Variants in NRG3 observed in about 807,000 individuals in gnomAD.
NRG3 encodes pro-neuregulin-3, membrane-bound isoform.
NRG3 carries 31 observed loss-of-function variants against 66.9 expected under a neutral mutation model. The observed-to-expected ratio is 0.46, with a 90% CI of 0.35 to 0.63. NRG3 has a LOEUF of 0.63. Among genes scored for constraint, NRG3 ranks in the 20% least tolerant of loss-of-function variants. NRG3 has a pLI of 0.00. For missense variants in NRG3, 910 were observed against 878.9 expected (o/e 1.04, Z -0.45); for synonymous variants, 393 against 359.4 (o/e 1.09, Z -1.06).
chr10:82,816,858 G>A (rs115677928), intron 3 of NRG3, among the ~76,000 whole-genome samples: 1,729 of 152,276 alleles, frequency 0.011, 30 homozygotes, highest in African/African-American at 0.039. Context: ...ACCCAGCTCT[G>A]GACATTAGAT....
At chr10:82,707,018 A>ATATATATATATAT (rs2056344007) in intron 2 of NRG3, among the ~76,000 whole-genome samples, 4 of 141,330 alleles carry the variant, frequency 2.8e-5, no homozygotes, top group African/African-American at 1.1e-4. Context: ...AAATAAAATA[A>ATATATATATATAT]ATATATATAT....
chr10:82,703,738 G>C (rs914244807), intron 2 of NRG3, among the ~76,000 whole-genome samples: 25 of 152,128 alleles, frequency 1.6e-4, no homozygotes, highest in African/African-American at 5.8e-4. Context: ...CCGGGATGCT[G>C]TCTGACAGAT....
At chr10:82,657,971 A>G (rs951580346) in intron 2 of NRG3, among the ~76,000 whole-genome samples, 2 of 152,096 alleles carry the variant, frequency 1.3e-5, no homozygotes, top group Non-Finnish European at 2.9e-5. Flanking sequence ...TTTAAAAGAA[A>G]TGAAACAAAA....
At chr10:82,178,171 G>A (rs139476597) in intron 1 of NRG3, among the ~76,000 whole-genome samples, 224 of 151,898 alleles carry the variant, frequency 1.5e-3, no homozygotes, top group Non-Finnish European at 2.4e-3. Flanking sequence ...TTTCCAAAAC[G>A]CCCTCACACA....
chr10:82,610,528 T>C (rs2048248094), intron 2 of NRG3, among the ~76,000 whole-genome samples: 1 of 152,206 alleles, frequency 6.6e-6, no homozygotes, highest in Non-Finnish European at 1.5e-5. Flanking sequence ...TTTAATATAA[T>C]GTGCTCAGTG....
chr10:82,652,219 C>T (rs1167908319), intron 2 of NRG3, among the ~76,000 whole-genome samples: 1 of 152,140 alleles, frequency 6.6e-6, no homozygotes, highest in African/African-American at 2.4e-5. Context: ...GCCTGCAACC[C>T]ATGAAGCCGC....
chr10:82,963,558 T>C (rs1175421714), intron 6 of NRG3, among the ~76,000 whole-genome samples: 1 of 152,124 alleles, frequency 6.6e-6, no homozygotes, highest in East Asian at 1.9e-4. Flanking sequence ...CTGACGCCTG[T>C]AGTCCCAGCT....
intron 1 of NRG3, among the ~76,000 whole-genome samples, chr10:82,037,002 T>C (rs760800352): frequency 2.0e-5 from 3 of 152,138 alleles, no homozygotes; most frequent in Admixed American, 1.3e-4. Context: ...TTGATTATAA[T>C]TTATAATCAC....
At chr10:82,110,024 T>A (rs2067293636) in intron 1 of NRG3, among the ~76,000 whole-genome samples, 1 of 152,084 alleles carries the variant, frequency 6.6e-6, no homozygotes, top group Admixed American at 6.6e-5. Context: ...ACAACAACAG[T>A]CAAATTCCCT....
At chr10:81,987,626 T>C (rs920781198) in intron 1 of NRG3, among the ~76,000 whole-genome samples, 1 of 152,140 alleles carries the variant, frequency 6.6e-6, no homozygotes, top group African/African-American at 2.4e-5. Flanking sequence ...TTCTTTGGAA[T>C]TGGATAAGAG....
chr10:81,986,893 G>C (rs1227158194), intron 1 of NRG3, among the ~76,000 whole-genome samples: 2 of 152,064 alleles, frequency 1.3e-5, no homozygotes, highest in East Asian at 1.9e-4. Flanking sequence ...CATTTCCCAG[G>C]CTGAACTTGA....
intron 2 of NRG3, among the ~76,000 whole-genome samples, chr10:82,362,539 A>C (rs2135638873): frequency 1.1e-5 from 1 of 94,114 alleles, no homozygotes; most frequent in South Asian, 2.9e-4. Flanking sequence ...ATGCCCAGAT[A>C]ATTTCTGGGT....
At chr10:82,411,051 G>C (rs1464006128) in intron 2 of NRG3, among the ~76,000 whole-genome samples, 2 of 151,988 alleles carry the variant, frequency 1.3e-5, no homozygotes, top group Non-Finnish European at 2.9e-5. Context: ...TGAGCAGCTG[G>C]GATTATAGGC....
At chr10:81,938,021 T>G (rs1399303211) in intron 1 of NRG3, among the ~76,000 whole-genome samples, 1 of 152,130 alleles carries the variant, frequency 6.6e-6, no homozygotes, top group Admixed American at 6.6e-5. Flanking sequence ...TGTGTAGTCT[T>G]GACACTCTTG....
At chr10:82,799,699 T>C (rs1366506005) in intron 3 of NRG3, 5 of 152,118 alleles carry the variant, frequency 3.3e-5, no homozygotes, top group Non-Finnish European at 5.9e-5. Context: ...CTAGAATCTC[T>C]AGGTCTCTAG....
At chr10:82,759,555 G>C (rs1033278500) in intron 3 of NRG3, among the ~76,000 whole-genome samples, 1 of 152,080 alleles carries the variant, frequency 6.6e-6, no homozygotes, top group Non-Finnish European at 1.5e-5. Context: ...AAATCTTTGG[G>C]AAGTCTTTCA....
chr10:82,948,331 A>G (rs1205559620), intron 4 of NRG3, among the ~76,000 whole-genome samples: 1 of 152,118 alleles, frequency 6.6e-6, no homozygotes, highest in Non-Finnish European at 1.5e-5. Flanking sequence ...TTTATAAGAA[A>G]TCTTGAAATA....
intron 3 of NRG3, among the ~76,000 whole-genome samples, chr10:82,826,751 C>T (rs369078318): frequency 5.3e-5 from 8 of 152,162 alleles, no homozygotes; most frequent in African/African-American, 1.9e-4. Context: ...GACACTGGGC[C>T]TACTTGAGGT....
intron 4 of NRG3, among the ~76,000 whole-genome samples, chr10:82,920,701 A>G (rs1846342158): frequency 6.6e-6 from 1 of 152,172 alleles, no homozygotes; most frequent in Non-Finnish European, 1.5e-5. Flanking sequence ...GCAGCTTGCC[A>G]GGAAATATAA....
Sources: gnomAD v4.1 joint callset for allele counts (sites outside exome capture counted in the v4.1 genomes callset) on GRCh38, gnomAD v4.1.1 for gene constraint, MANE v1.5 for transcripts, NCBI Gene and HGNC (gene_info 2026-07-23, HGNC 2026-07-21) for gene names.